The following NEK2 variants were observed in gnomAD, a reference collection of about 807,000 sequenced individuals.
NEK2 encodes the protein NIMA related kinase 2, also known as serine/threonine-protein kinase Nek2.
Under a neutral mutation model 54.1 loss-of-function variants are expected in NEK2, and 28 were observed. That is an observed-to-expected ratio of 0.52 (90% CI 0.38 to 0.71). The LOEUF is 0.71. Among genes scored for constraint, NEK2 ranks in the 30% least tolerant of loss-of-function variants. The pLI is 0.00. For missense variants in NEK2, 407 were observed against 531.5 expected, an observed-to-expected ratio of 0.77 and a Z score of 2.30; for synonymous variants, 176 against 193.1, an observed-to-expected ratio of 0.91 and a Z score of 0.73.
At position 211,663,514 on chromosome 1, in the gene NEK2, A is replaced by G; in HGVS notation, c.1250T>C (p.Leu417Pro). The stretch of plus-strand genomic sequence containing the variant: ...TTGAGCCCGCAGCTGGGCAGCGTGA[A>G]GCCTTTTCTTCAGGTCCTTGCACTT... ...KSKCKDLKKR[L>P]HAAQLRAQAL... Residue 417 changes from leucine (L) to proline (P), a missense_variant, in exon 8 of 8, where the codon CTT (leucine) becomes CCT (proline). By Grantham distance (98) the Leu-to-Pro change is moderately conservative. Coordinates refer to ENST00000366999, the MANE Select transcript of NEK2 (RefSeq NM_002497.4). The G allele has an allele frequency of 6.2e-7, 1 of 1,613,984 alleles. No homozygotes were observed.
chr1:211,662,204 T>A (rs914466069), downstream of NEK2, among the ~76,000 whole-genome samples: 1 of 152,210 alleles, frequency 6.6e-6, no homozygotes, highest in African/African-American at 2.4e-5. The surrounding 1 kb of genome is among the most constrained non-coding windows in gnomAD (Gnocchi z 4.2). Context: ...CTGCCTAACA[T>A]GATGCAATTA....
Position 211,673,648 on chromosome 1 carries a change from T to A in NEK2, c.390A>T (p.Arg130=). The change falls in exon 3 of 8, where the codon CGA becomes CGT. Residue 130 remains arginine (R), a synonymous_variant. Coordinates refer to ENST00000366999, the MANE Select transcript of NEK2 (RefSeq NM_002497.4). ...LTLALKECHR[R]SDGGHTVLHR... is the part of the protein sequence containing the mutation. ...GCAATACGGTATGACCACCATCACT[T>A]CGTCTGTGGCATTCCTTCAGGGCCA... The A allele has an allele frequency of 6.2e-7, 1 of 1,614,184 alleles. No individual in the cohort carries two copies. The highest frequency in any genetic ancestry group is 1.3e-5 in the African/African-American group (1 of 75,044).
At chr1:211,660,480 G>A (rs1407406780), downstream of NEK2, 7 of 672,370 alleles carry the variant, frequency 1.0e-5, no homozygotes, top group Non-Finnish European at 2.0e-5. Context: ...AGATGGCAGT[G>A]CCAACTTTGT....
At position 211,663,287 on chromosome 1, in the gene NEK2, C is replaced by A. The variant is rs1571638188; in HGVS notation, c.*139G>T. 10 of 1,411,456 alleles carry A rather than the reference C, an allele frequency of 7.1e-6. No individual in the cohort carries two copies. Among genetic ancestry groups the A allele is most frequent in the East Asian group, 2.5e-5 (1 of 39,230 alleles). The allele number at this position is 1,411,456 out of a possible 1,614,324, so 87.4% of individuals were successfully genotyped here. On this transcript the variant is annotated 3_prime_UTR_variant, in exon 8 of 8. Transcript: ENST00000366999. ...AATAGTTGCTGAAGAACAGTAAAAC[C>A]AATTCCGAAATATCATGTGTACTAT...
intron 4 of NEK2, 143 bp from the exon 5 acceptor site, chr1:211,670,550 G>GT (rs1264514887): frequency 2.0e-5 from 20 of 979,068 alleles, no homozygotes; most frequent in Non-Finnish European, 2.7e-5. Context: ...CTTCTTATAA[G>GT]TAAGTTTCCC....
At chr1:211,670,554 G>T in intron 4 of NEK2, 147 bp from the exon 5 acceptor site, 1 of 938,332 alleles carries the variant, frequency 1.1e-6, no homozygotes, top group Non-Finnish European at 1.6e-6. Flanking sequence ...TTATAAGTAA[G>T]TTTCCCAACC....
At chr1:211,661,946 T>C (rs1655028169), downstream of NEK2, among the ~76,000 whole-genome samples, 1 of 152,182 alleles carries the variant, frequency 6.6e-6, no homozygotes, top group South Asian at 2.1e-4. Flanking sequence ...GCTTTTATGA[T>C]CTTCAAAACA....
chr1:211,664,824 ATTTTGT>A (rs1001884301), intron 7 of NEK2, among the ~76,000 whole-genome samples: 5 of 152,112 alleles, frequency 3.3e-5, no homozygotes, highest in African/African-American at 1.2e-4. Context: ...GGATAGTTTT[ATTTTGT>A]TTTTGTTTTT....
downstream of NEK2, among the ~76,000 whole-genome samples, chr1:211,661,935 C>T (rs760549720): frequency 2.6e-5 from 4 of 152,168 alleles, no homozygotes; most frequent in Non-Finnish European, 4.4e-5. Context: ...CCTGAAAAGT[C>T]GCTTTTATGA....
intron 6 of NEK2, 39 bp from the exon 7 acceptor site, chr1:211,667,270 A>G (rs750137663): frequency 6.4e-7 from 1 of 1,553,268 alleles, no homozygotes; most frequent in Admixed American, 2.1e-5. Flanking sequence ...AAAATTAACA[A>G]CTGACCTTGA....
downstream of NEK2, among the ~76,000 whole-genome samples, chr1:211,659,312 G>A (rs1654960185): frequency 6.6e-6 from 1 of 152,150 alleles, no homozygotes; most frequent in Non-Finnish European, 1.5e-5. Context: ...ATAAGAGCTG[G>A]CCAACCTCCA....
In NEK2 at chr1:211,670,413, G is replaced by T; in HGVS notation, c.639-6C>A. The T allele has an allele frequency of 6.3e-7, 1 of 1,597,924 alleles. No homozygotes were observed. The highest frequency in any genetic ancestry group is 8.5e-7 in the Non-Finnish European group (1 of 1,175,532). On this transcript the variant is annotated splice_polypyrimidine_tract_variant and splice_region_variant and intron_variant, in intron 4 of 7. Coordinates refer to ENST00000366999, the MANE Select transcript of NEK2 (RefSeq NM_002497.4). ...TAAAAGCTGTAAATGGAGGCCTAGG[G>T]TTAAAAAAGAAGAAGAAGACGACGA... is the stretch of plus-strand genomic sequence containing the variant.
chr1:211,675,355 G>A (rs1655546585), intron 1 of NEK2, 29 bp downstream of exon 1: 1 of 1,603,388 alleles, frequency 6.2e-7, no homozygotes. Flanking sequence ...CCTAAGCAGG[G>A]GCAGGCGCAG....
rs1284977214 is a variant in NEK2, at chr1:211,669,263, G to A, written c.835C>T (p.Gln279Ter). 1 of 1,614,040 alleles carries A rather than the reference G, an allele frequency of 6.2e-7. No homozygotes were observed. Among genetic ancestry groups the A allele is most frequent in the South Asian group, 1.1e-5 (1 of 91,082 alleles). The change falls in exon 6 of 8, where the codon CAA (glutamine) becomes TAA (stop). Residue 279 changes from glutamine (Q) to a stop codon, truncating the protein, a stop_gained. Transcript: ENST00000366999. LOFTEE classifies it high-confidence loss of function. Reference sequence around the variant, plus strand: ...CCTCTTCTCTCAAGATTTCTTCTTTGCTCGTCTGCAACCAAATCTGCTATT... The same window carrying A: ...CCTCTTCTCTCAAGATTTCTTCTTTACTCGTCTGCAACCAAATCTGCTATT... ...PLIADLVADE[Q>*]RRNLERRGRQ... is the part of the protein sequence containing the mutation.
downstream of NEK2, chr1:211,660,919 T>G (rs1571636625): frequency 1.4e-6 from 1 of 739,674 alleles, no homozygotes; most frequent in East Asian, 2.6e-5. Context: ...CTGTCCCCAG[T>G]GGGTGAGGGA....
At position 211,669,167 on chromosome 1, in the gene NEK2, T is replaced by C. The variant is rs763917720; in HGVS notation, c.931A>G (p.Ile311Val). ...GCTCGCTCTCGCTCCTGTAACTGAA[T>C]TTCCTTCAGTTTCAGCTCACTCAAT... ...PVLSELKLKE[I>V]QLQERERALK... Residue 311 changes from isoleucine to valine, a missense_variant, in exon 6 of 8, where the codon ATT becomes GTT. By Grantham distance (29) the Ile-to-Val change is conservative. Coordinates refer to ENST00000366999, the MANE Select transcript of NEK2 (RefSeq NM_002497.4). 1 of 1,613,962 alleles carries C rather than the reference T, an allele frequency of 6.2e-7. No homozygotes were observed. The highest frequency in any genetic ancestry group is 8.5e-7 in the Non-Finnish European group (1 of 1,179,858).
chr1:211,674,498 C>A lies in NEK2; in HGVS notation c.112G>T (p.Glu38Ter). Residue 38 changes from glutamate to a stop codon, truncating the protein, a stop_gained, in exon 2 of 8, where the codon GAA becomes TAA. Transcript: ENST00000366999. LOFTEE classifies it high-confidence loss of function. ...TCTGTCATGGAGCCATAGTCAAGTT[C>A]TTTCCAAACTAATATCTGAAATAAG... ...KSDGKILVWK[E>*]LDYGSMTEAE... is the part of the protein sequence containing the mutation. The A allele has an allele frequency of 6.2e-7, 1 of 1,609,074 alleles. No homozygotes were observed. Among genetic ancestry groups the A allele is most frequent in the Non-Finnish European group, 8.5e-7 (1 of 1,176,602 alleles).
intron 5 of NEK2, 28 bp from the exon 6 acceptor site, chr1:211,669,360 T>C: frequency 6.3e-7 from 1 of 1,579,674 alleles, no homozygotes; most frequent in Non-Finnish European, 8.7e-7. Context: ...AGTATTATAG[T>C]CAGATTGCAT....
chr1:211,661,738 T>C (rs1467339257), downstream of NEK2, among the ~76,000 whole-genome samples: 1 of 152,268 alleles, frequency 6.6e-6, no homozygotes, highest in Non-Finnish European at 1.5e-5. Flanking sequence ...GTTTGGTTAA[T>C]GAGTTTTGTA....
Sources: gnomAD v4.1 joint callset for allele counts (sites outside exome capture counted in the v4.1 genomes callset) on GRCh38, gnomAD v4.1.1 for gene constraint, Gnocchi (gnomAD v3.1) non-coding constraint, MANE v1.5 for transcripts, NCBI Gene and HGNC (gene_info 2026-07-23, HGNC 2026-07-21) for gene names.